The following ADD2 variants were observed in gnomAD, a reference collection of about 807,000 sequenced individuals.
ADD2 encodes the protein beta-adducin.
Under a neutral mutation model 83.0 loss-of-function variants are expected in ADD2, and 23 were observed. That is an observed-to-expected ratio of 0.28 (90% CI 0.20 to 0.39). ADD2 has a LOEUF of 0.39. Ranked by LOEUF, ADD2 falls within the 10% of genes least tolerant of loss-of-function variation. The pLI, the probability that ADD2 is intolerant of heterozygous loss-of-function variation, is 1.00. For synonymous variants in ADD2, 375 were observed against 375.4 expected, an observed-to-expected ratio of 1.00 and a Z score of 0.01; for missense variants, 758 against 944.9, an observed-to-expected ratio of 0.80 and a Z score of 2.59.
At chr2:70,675,847 T>C (rs1670109182) in intron 13 of ADD2, 2 of 984,962 alleles carry the variant, frequency 2.0e-6, no homozygotes, top group Non-Finnish European at 2.4e-6. Flanking sequence ...GCAGGGGAGA[T>C]TTTTGTTTGT....
intron 9 of ADD2, among the ~76,000 whole-genome samples, chr2:70,685,663 C>G (rs1486264810): frequency 6.6e-6 from 1 of 152,172 alleles, no homozygotes; most frequent in Non-Finnish European, 1.5e-5. Flanking sequence ...GGTAATAGAT[C>G]TAAAGCACTT....
intron 11 of ADD2, 132 bp downstream of exon 11, chr2:70,678,572 A>C: frequency 7.5e-7 from 1 of 1,325,692 alleles, no homozygotes; most frequent in East Asian, 2.4e-5. Flanking sequence ...CCAGAGGCCT[A>C]ATAGGAAGCC....
At chr2:70,744,257 T>C (rs1467078957) in intron 1 of ADD2, among the ~76,000 whole-genome samples, 1 of 152,250 alleles carries the variant, frequency 6.6e-6, no homozygotes, top group African/African-American at 2.4e-5. Flanking sequence ...TCGATGTTAA[T>C]TGTCTAGTTT....
At chr2:70,743,427 G>T (rs1220248448) in intron 1 of ADD2, among the ~76,000 whole-genome samples, 1 of 152,212 alleles carries the variant, frequency 6.6e-6, no homozygotes, top group Non-Finnish European at 1.5e-5. Flanking sequence ...ATTTCACAGA[G>T]GAAGAGGCAG....
At chr2:70,756,226 T>C (rs377542740) in intron 1 of ADD2, among the ~76,000 whole-genome samples, 1 of 152,270 alleles carries the variant, frequency 6.6e-6, no homozygotes, top group African/African-American at 2.4e-5. Flanking sequence ...AGTTAACTCT[T>C]TATCTCAAAA....
At chr2:70,741,312 A>G (rs1373369037) in intron 1 of ADD2, 1 of 152,218 alleles carries the variant, frequency 6.6e-6, no homozygotes, top group Non-Finnish European at 1.5e-5. Context: ...TGAATTTAAA[A>G]GTTGTTTACA....
intron 1 of ADD2, 46 bp downstream of exon 1, chr2:70,767,840 C>A: frequency 4.6e-6 from 7 of 1,533,250 alleles, no homozygotes; most frequent in Non-Finnish European, 6.1e-6. Flanking sequence ...CGCCAGGAGA[C>A]CAGCGACCCC....
chr2:70,761,193 C>G (rs1385138969), intron 1 of ADD2, among the ~76,000 whole-genome samples: 2 of 147,392 alleles, frequency 1.4e-5, no homozygotes, highest in Admixed American at 6.8e-5. Flanking sequence ...ACATAAATGT[C>G]AAAAATAATT....
chr2:70,760,812 T>A (rs558220080), intron 1 of ADD2: 11 of 152,358 alleles, frequency 7.2e-5, no homozygotes, highest in African/African-American at 2.4e-4. Context: ...AAGGTTTTTT[T>A]AAATAAAGTA....
At chr2:70,758,556 C>T (rs1553384290) in intron 1 of ADD2, among the ~76,000 whole-genome samples, 1 of 151,898 alleles carries the variant, frequency 6.6e-6, no homozygotes, top group African/African-American at 2.4e-5. Flanking sequence ...GGGCTTTATC[C>T]GGAGGGTAGA....
chr2:70,671,028 C>T (rs1553366965), intron 15 of ADD2, among the ~76,000 whole-genome samples: 1 of 152,194 alleles, frequency 6.6e-6, no homozygotes, highest in Non-Finnish European at 1.5e-5. Context: ...CCTTCCTGGC[C>T]CTTGTCCCAC....
chr2:70,716,033 C>G (rs1338767332), intron 1 of ADD2, among the ~76,000 whole-genome samples: 1 of 151,510 alleles, frequency 6.6e-6, no homozygotes, highest in Non-Finnish European at 1.5e-5. Flanking sequence ...CTTTTTTTTT[C>G]TTTTTAAAGC....
intron 1 of ADD2, among the ~76,000 whole-genome samples, chr2:70,745,202 T>C (rs1574315355): frequency 6.6e-6 from 1 of 151,814 alleles, no homozygotes. Context: ...AGGAGAATGG[T>C]GTGAACCCGG....
intron 10 of ADD2, among the ~76,000 whole-genome samples, chr2:70,681,968 A>T (rs4852699): frequency 0.39 from 58,538 of 151,894 alleles, 12,310 homozygotes; most frequent in African/African-American, 0.57. Context: ...TCCACCTCTG[A>T]CTCAGACTCC....
rs1670134921 is a variant in ADD2, at chr2:70,676,324, T to C, written c.1593+472A>G. The C allele has an allele frequency of 9.8e-7, 1 of 1,016,960 alleles. No individual in the cohort carries two copies. The highest frequency in any genetic ancestry group is 1.2e-6 in the Non-Finnish European group (1 of 850,852). The allele number at this position is 1,016,960 out of a possible 1,614,324, so 63.0% of individuals were successfully genotyped here. ...TGTCCCTTCCCATCCTGTAGGAGCA[T>C]GGGTCCTGTCTATATACCCCTTCTC... On this transcript the variant is annotated intron_variant, in intron 13 of 15. Transcript: ENST00000264436. This position sits in a 1 kb window ranked among gnomAD's most constrained non-coding sequence, Gnocchi z 4.8.
At chr2:70,715,551 C>T (rs1672420114) in intron 1 of ADD2, among the ~76,000 whole-genome samples, 1 of 152,164 alleles carries the variant, frequency 6.6e-6, no homozygotes, top group Non-Finnish European at 1.5e-5. Context: ...CACCTGCCCC[C>T]TGCTCTTGGT....
At position 70,674,842 on chromosome 2, in the gene ADD2, G is replaced by T. The variant is rs782718541; in HGVS notation, c.1594-17C>A. 2.5e-5 allele frequency: 41 copies of T among 1,611,636 alleles called. No homozygotes were observed. Among genetic ancestry groups the T allele is most frequent in the Non-Finnish European group, 3.4e-5 (40 of 1,178,926 alleles). The stretch of plus-strand genomic sequence containing the variant: ...CTCTGTAGACTGAAAGTTAACCACA[G>T]AGGGTGTGTCGCTCTCTGAACGCCG... On this transcript the variant is annotated splice_polypyrimidine_tract_variant and intron_variant, in intron 13 of 15. Coordinates refer to ENST00000264436, the MANE Select transcript of ADD2 (RefSeq NM_001617.4).
intron 1 of ADD2, among the ~76,000 whole-genome samples, chr2:70,738,167 GA>G (rs1673685408): frequency 6.6e-6 from 1 of 152,186 alleles, no homozygotes. Flanking sequence ...AATAAGGGAA[GA>G]ACAGGATGTT....
At chr2:70,716,064 C>G (rs1440131906) in intron 1 of ADD2, among the ~76,000 whole-genome samples, 1 of 152,148 alleles carries the variant, frequency 6.6e-6, no homozygotes, top group Non-Finnish European at 1.5e-5. Context: ...CAACCAAAAC[C>G]TAGTCAAATT....
Sources: allele counts gnomAD v4.1 joint callset (sites outside exome capture counted in the v4.1 genomes callset), GRCh38; gene constraint gnomAD v4.1.1; non-coding constraint Gnocchi (gnomAD v3.1); transcripts MANE v1.5; gene names NCBI Gene and HGNC (gene_info 2026-07-23, HGNC 2026-07-21).